The following CDH4 variants were observed in gnomAD, a reference collection of about 807,000 sequenced individuals.
The protein encoded by CDH4 is cadherin-4.
In CDH4, 33 loss-of-function variants were observed where a neutral mutation model predicts 86.0. That is an observed-to-expected ratio of 0.38 (90% confidence interval 0.29 to 0.51). The LOEUF (loss-of-function observed/expected upper bound fraction) is 0.51, where lower values mean the gene tolerates loss of function less well. Ranked by LOEUF, CDH4 falls within the 20% of genes least tolerant of loss-of-function variation. The pLI, the probability that CDH4 is intolerant of heterozygous loss-of-function variation, is 0.86. For missense variants in CDH4, 1,114 were observed against 1,307.4 expected (o/e 0.85, Z 2.28); for synonymous variants, 555 against 549.4 (o/e 1.01, Z -0.14).
At chr20:61,353,396 G>A (rs867570016) in intron 2 of CDH4, among the ~76,000 whole-genome samples, 5 of 152,018 alleles carry the variant, frequency 3.3e-5, no homozygotes, top group African/African-American at 7.2e-5. Flanking sequence ...CCAAGCCTTC[G>A]CGCATTGCAT....
At chr20:61,443,028 A>G (rs998224837) in intron 2 of CDH4, among the ~76,000 whole-genome samples, 2 of 152,158 alleles carry the variant, frequency 1.3e-5, no homozygotes, top group Admixed American at 6.5e-5. Context: ...AGACGTTGCC[A>G]GTGTGTCTTG....
chr20:61,670,856 G>A (rs2087378761), intron 2 of CDH4, among the ~76,000 whole-genome samples: 1 of 152,142 alleles, frequency 6.6e-6, no homozygotes, highest in Non-Finnish European at 1.5e-5. Context: ...GGAGTGAGGG[G>A]TTCCAAACAG....
intron 2 of CDH4, among the ~76,000 whole-genome samples, chr20:61,532,710 C>T (rs1053922689): frequency 6.6e-6 from 1 of 152,154 alleles, no homozygotes; most frequent in South Asian, 2.1e-4. Context: ...GTGGAGCAGG[C>T]TCTGGGGAGA....
rs538324740 is a variant in CDH4, at chr20:61,844,421, C to T, written c.577-247C>T. On this transcript the variant is annotated intron_variant, in intron 4 of 15. Coordinates refer to ENST00000614565, the MANE Select transcript of CDH4 (RefSeq NM_001794.5). ...TGCTGTGGATGTCTGCCAGGCATCC[C>T]GAGTTCTCGGTGTATTTGCTGAGTT... Among the ~76,000 whole-genome samples the T allele has an allele frequency of 2.3e-3, 355 of 152,140 alleles. 1 individual carries two copies. The highest frequency in any genetic ancestry group is 7.1e-3 in the African/African-American group (296 of 41,486).
At chr20:61,533,452 T>C (rs2085971250) in intron 2 of CDH4, among the ~76,000 whole-genome samples, 3 of 152,104 alleles carry the variant, frequency 2.0e-5, no homozygotes, top group Non-Finnish European at 4.4e-5. Context: ...CGTCTCTCCA[T>C]CCCTTGTCCT....
intron 2 of CDH4, among the ~76,000 whole-genome samples, chr20:61,290,785 C>T (rs1427894703): frequency 6.6e-6 from 1 of 152,184 alleles, no homozygotes; most frequent in Non-Finnish European, 1.5e-5. Context: ...TCTTCCTAGC[C>T]TCTGAGGTTT....
intron 5 of CDH4, among the ~76,000 whole-genome samples, chr20:61,848,003 A>G (rs1982536894): frequency 6.6e-6 from 1 of 152,228 alleles, no homozygotes; most frequent in African/African-American, 2.4e-5. Context: ...AAACCACGCC[A>G]CACACCTCCA....
chr20:61,580,646 G>A (rs1215364479), intron 2 of CDH4, among the ~76,000 whole-genome samples: 5 of 152,152 alleles, frequency 3.3e-5, no homozygotes, highest in Admixed American at 2.0e-4. Flanking sequence ...CTCTAGGGGG[G>A]GAAATTAGCC....
intron 2 of CDH4, among the ~76,000 whole-genome samples, chr20:61,422,509 G>A (rs2085185838): frequency 6.9e-6 from 1 of 144,456 alleles, no homozygotes; most frequent in Non-Finnish European, 1.5e-5. Flanking sequence ...TTATTTACCA[G>A]TGGAGGGTTC....
At chr20:61,763,671 C>T (rs1009566124) in intron 3 of CDH4, among the ~76,000 whole-genome samples, 1 of 152,048 alleles carries the variant, frequency 6.6e-6, no homozygotes, top group Non-Finnish European at 1.5e-5. Context: ...CCCTCGTCTT[C>T]CATGGAAGGC....
In CDH4 at chr20:61,480,036, G is replaced by A. The variant is rs941726103; in HGVS notation, c.169+225099G>A. Among the ~76,000 whole-genome samples, 29 of 151,968 alleles carry A rather than the reference G, an allele frequency of 1.9e-4. No individual in the cohort carries two copies. Among genetic ancestry groups the A allele is most frequent in the East Asian group, 5.8e-4 (3 of 5,186 alleles). On this transcript the variant is annotated intron_variant, in intron 2 of 15. Transcript: ENST00000614565. The surrounding 1 kb of genome is among the most constrained non-coding windows in gnomAD (Gnocchi z 5.2). ...GTTTTCATCTATAGAAGTCTGATTC[G>A]GGACATCTTTTGTGTCTTGATCTGT...
At chr20:61,743,019 C>T (rs937171319) in intron 2 of CDH4, among the ~76,000 whole-genome samples, 4 of 152,146 alleles carry the variant, frequency 2.6e-5, no homozygotes, top group African/African-American at 7.2e-5. Context: ...TAAAAAGGAC[C>T]AGAAACACAG....
chr20:61,423,480 A>C lies in CDH4; in HGVS notation c.169+168543A>C, dbSNP rs182463293. Among the ~76,000 whole-genome samples the C allele has an allele frequency of 3.3e-5, 5 of 152,328 alleles. No individual in the cohort carries two copies. In the East Asian group the frequency reaches 9.6e-4, roughly 29 times the overall value. On this transcript the variant is annotated intron_variant, in intron 2 of 15. Transcript: ENST00000614565. ...AAAACTATCCCAGAGTCCAAAACAG[A>C]GACTCAATATGGTAGAGACCCCTAT...
chr20:61,266,023 G>A (rs778538575), intron 2 of CDH4, among the ~76,000 whole-genome samples: 14 of 152,182 alleles, frequency 9.2e-5, no homozygotes, highest in Non-Finnish European at 1.8e-4. Flanking sequence ...ACTCTTCCTC[G>A]TTTGGATTCA....
At chr20:61,346,936 GC>G (rs1366459775) in intron 2 of CDH4, among the ~76,000 whole-genome samples, 7 of 151,938 alleles carry the variant, frequency 4.6e-5, no homozygotes, top group African/African-American at 1.7e-4. Context: ...ACATTCCCAG[GC>G]AGTTCTGCTT....
chr20:61,681,703 A>C lies in CDH4; in HGVS notation c.170-61860A>C, dbSNP rs890752356. On this transcript the variant is annotated intron_variant, in intron 2 of 15. Transcript: ENST00000614565. The surrounding 1 kb of genome is among the most constrained non-coding windows in gnomAD (Gnocchi z 4.5). ...CCTAAAGAGCTTTCTGGGCATCGGG[A>C]AAGTCCGGGCTCAGTGCATGTGGAG... Among the ~76,000 whole-genome samples, 4 of 152,162 alleles carry C rather than the reference A, an allele frequency of 2.6e-5. No individual in the cohort carries two copies. Among genetic ancestry groups the C allele is most frequent in the Non-Finnish European group, 5.9e-5 (4 of 68,030 alleles).
chr20:61,822,928 T>C (rs1469400109), intron 4 of CDH4, among the ~76,000 whole-genome samples: 2 of 152,158 alleles, frequency 1.3e-5, no homozygotes, highest in East Asian at 3.9e-4. Context: ...TGCCGTCACC[T>C]CCAGCACAGG....
rs559581527 is a variant in CDH4, at chr20:61,902,158, C to T, written c.1188+7111C>T. On this transcript the variant is annotated intron_variant, in intron 8 of 15. Coordinates refer to ENST00000614565, the MANE Select transcript of CDH4 (RefSeq NM_001794.5). This position sits in a 1 kb window ranked among gnomAD's most constrained non-coding sequence, Gnocchi z 4.6. ...TGTTCAGTCCTTGGAGTTCCAGAATCGTGAAAGGCGGGTCCTCGGCAGGCG... is the reference window on the plus strand; with the variant it reads ...TGTTCAGTCCTTGGAGTTCCAGAATTGTGAAAGGCGGGTCCTCGGCAGGCG... Among the ~76,000 whole-genome samples the T allele has an allele frequency of 4.7e-4, 71 of 152,312 alleles. No homozygotes were observed. The highest frequency in any genetic ancestry group is 8.4e-4 in the Non-Finnish European group (57 of 68,040).
chr20:61,436,965 G>C (rs1048601808), intron 2 of CDH4: 1 of 152,436 alleles, frequency 6.6e-6, no homozygotes, highest in Non-Finnish European at 1.5e-5. Flanking sequence ...AGCTCAGAAA[G>C]GCAAGGCCTG....
Sources: gnomAD v4.1 joint callset for allele counts (sites outside exome capture counted in the v4.1 genomes callset) on GRCh38, gnomAD v4.1.1 for gene constraint, Gnocchi (gnomAD v3.1) non-coding constraint, MANE v1.5 for transcripts, NCBI Gene and HGNC (gene_info 2026-07-23, HGNC 2026-07-21) for gene names.